Variants in ZNF703 observed in about 807,000 individuals in gnomAD.
ZNF703 encodes NocA-like zinc finger 1.
ZNF703 carries 18 observed loss-of-function variants against 30.7 expected under a neutral mutation model. The ratio of observed to expected loss-of-function variants is 0.59; its 90% CI spans 0.40 to 0.87. ZNF703 has a LOEUF of 0.87. Among genes scored for constraint, ZNF703 ranks in the 40% least tolerant of loss-of-function variants. ZNF703 has a pLI of 0.00. For synonymous variants in ZNF703, 457 were observed against 438.6 expected (o/e 1.04, Z -0.52); for missense variants, 814 against 847.8 (o/e 0.96, Z 0.50).
chr8:37,697,310 G>A lies in ZNF703; in HGVS notation c.409G>A (p.Ala137Thr). ...CTCAGCCCCGGGCGCCGCCTCCGCA[G>A]CCGCGGCCCTGAAGCAGCTGGGGGA... Reference protein sequence around the residue: ...GRSAPGAASAAAALKQLGDSP... With the variant: ...GRSAPGAASATAALKQLGDSP... Residue 137 changes from alanine to threonine, a missense_variant, in exon 2 of 2, where the codon GCC (alanine) becomes ACC (threonine). Coordinates refer to ENST00000331569, the MANE Select transcript of ZNF703 (RefSeq NM_025069.3). The A allele has an allele frequency of 2.6e-6, 4 of 1,563,732 alleles. No homozygotes were observed. The highest frequency in any genetic ancestry group is 2.4e-5 in the East Asian group (1 of 41,564).
In ZNF703 at chr8:37,698,760, C is replaced by T. The variant is rs545243995; in HGVS notation, c.*86C>T. 2.5e-5 allele frequency: 30 copies of T among 1,198,042 alleles called. 1 individual carries two copies. The Admixed American group carries it at 8.9e-4, about 35-fold the overall frequency. 74.2% of individuals were successfully genotyped at this position (1,198,042 alleles called of 1,614,324 possible). On this transcript the variant is annotated 3_prime_UTR_variant, in exon 2 of 2. Coordinates refer to ENST00000331569, the MANE Select transcript of ZNF703 (RefSeq NM_025069.3). ...CCACCTGCCGTCGCCGCTGCAACCT[C>T]CACTACTGCTTGACCCTGCCGGGAT... is the stretch of plus-strand genomic sequence containing the variant.
In ZNF703 at chr8:37,695,862, G is replaced by A; in HGVS notation, c.-118G>A. On this transcript the variant is annotated 5_prime_UTR_variant, in exon 1 of 2. Transcript: ENST00000331569. ...GGTGGAGGAGGGGAGGCGGCGAGGA[G>A]GCGCAGCTCCCGCTGCACCGCGATC... 2 of 980,682 alleles carry A rather than the reference G, an allele frequency of 2.0e-6. No individual in the cohort carries two copies. The highest frequency in any genetic ancestry group is 1.7e-5 in the African/African-American group (1 of 57,380). The allele number at this position is 980,682 out of a possible 1,614,324, so 60.7% of individuals were successfully genotyped here.
Position 37,697,043 on chromosome 8 carries a change from C to T in ZNF703, c.244-102C>T. The T allele has an allele frequency of 2.2e-6, 3 of 1,334,600 alleles. No homozygotes were observed. The South Asian group carries it at 5.5e-5, about 24-fold the overall frequency. 82.7% of individuals were successfully genotyped at this position (1,334,600 alleles called of 1,614,324 possible). ...CGCAGACCCTCTCCCCAGGCCCGCC[C>T]CGCCCCGTGGCGCCGCCGCCCAGCT... On this transcript the variant is annotated intron_variant, in intron 1 of 1. Coordinates refer to ENST00000331569, the MANE Select transcript of ZNF703 (RefSeq NM_025069.3).
At position 37,696,053 on chromosome 8, in the gene ZNF703, A is replaced by G; in HGVS notation, c.74A>G (p.Lys25Arg). ...SSGSGSGGGG[K>R]RPAVPAAVSL... The stretch of plus-strand genomic sequence containing the variant: ...GGCAGCGGCAGCGGCGGCGGCGGGA[A>G]GAGGCCGGCGGTGCCGGCAGCGGTG... The change falls in exon 1 of 2, where the codon AAG (lysine) becomes AGG (arginine). Residue 25 changes from lysine to arginine, a missense_variant. Coordinates refer to ENST00000331569, the MANE Select transcript of ZNF703 (RefSeq NM_025069.3). This position sits in a 1 kb window ranked among gnomAD's most constrained non-coding sequence, Gnocchi z 8.2. The G allele has an allele frequency of 6.4e-7, 1 of 1,554,142 alleles. No individual in the cohort carries two copies.
rs1802058214 is a variant in ZNF703, at chr8:37,695,892, C to A, written c.-88C>A. 7.9e-7 allele frequency: 1 copy of A among 1,264,498 alleles called. No individual in the cohort carries two copies. The highest frequency in any genetic ancestry group is 1.0e-6 in the Non-Finnish European group (1 of 961,138). 78.3% of individuals were successfully genotyped at this position (1,264,498 alleles called of 1,614,324 possible). ...AGCTCCCGCTGCACCGCGATCGACG[C>A]TGCGGAGCGAGCCCACCCGCCCCGG... On this transcript the variant is annotated 5_prime_UTR_variant, in exon 1 of 2. The change creates a new upstream start codon in the 5' untranslated region. Coordinates refer to ENST00000331569, the MANE Select transcript of ZNF703 (RefSeq NM_025069.3).
Position 37,695,827 on chromosome 8 carries a change from C to A in ZNF703, c.-153C>A. The A allele has an allele frequency of 4.7e-6, 3 of 631,956 alleles. No individual in the cohort carries two copies. Among genetic ancestry groups the A allele is most frequent in the East Asian group, 7.0e-5 (2 of 28,378 alleles). The allele number at this position is 631,956 out of a possible 1,614,324, so 39.1% of individuals were successfully genotyped here. On this transcript the variant is annotated 5_prime_UTR_variant, in exon 1 of 2. Coordinates refer to ENST00000331569, the MANE Select transcript of ZNF703 (RefSeq NM_025069.3). Reference sequence around the variant, plus strand: ...GGGCCAGCGGCGGTGGCGGCGGCGGCGGAGGCGTCGGTGGAGGAGGGGAGG... The same window carrying A: ...GGGCCAGCGGCGGTGGCGGCGGCGGAGGAGGCGTCGGTGGAGGAGGGGAGG...
In ZNF703 at chr8:37,695,804, GC is replaced by G; in HGVS notation, c.-174del. ...GAAGGTTTTTGTGTTGCTAGCCGGG[GC>G]CAGCGGCGGTGGCGGCGGCGGCGGA... On this transcript the variant is annotated 5_prime_UTR_variant, in exon 1 of 2. Coordinates refer to ENST00000331569, the MANE Select transcript of ZNF703 (RefSeq NM_025069.3). 1 of 532,994 alleles carries G rather than the reference GC, an allele frequency of 1.9e-6. No homozygotes were observed. Among genetic ancestry groups the G allele is most frequent in the Non-Finnish European group, 3.1e-6 (1 of 324,230 alleles). 33.0% of individuals were successfully genotyped at this position (532,994 alleles called of 1,614,324 possible). A position where few individuals can be genotyped will look rare whatever the true frequency, so the allele number is the denominator to read the frequency against.
At position 37,698,494 on chromosome 8, in the gene ZNF703, G is replaced by T. The variant is rs755631601; in HGVS notation, c.1593G>T (p.Ser531=). The part of the protein sequence containing the change: ...PPPAAPGSPG[S]LSLRNPHTLG... ...CCGCCGCCCCCGGCAGCCCCGGGTC[G>T]CTGTCCTTGCGGAATCCACACACTT... Residue 531 remains serine, a synonymous_variant, in exon 2 of 2, where the codon TCG becomes TCT. Coordinates refer to ENST00000331569, the MANE Select transcript of ZNF703 (RefSeq NM_025069.3). 8.4e-6 allele frequency: 13 copies of T among 1,550,120 alleles called. No homozygotes were observed. In the South Asian group the frequency reaches 1.4e-4, roughly 17 times the overall value.
Position 37,696,305 on chromosome 8 carries a change from G to A in ZNF703, c.243+83G>A. The A allele has an allele frequency of 6.8e-7, 1 of 1,469,578 alleles. No homozygotes were observed. Among genetic ancestry groups the A allele is most frequent in the African/African-American group, 1.5e-5 (1 of 68,770 alleles). The allele number at this position is 1,469,578 out of a possible 1,614,324, so 91.0% of individuals were successfully genotyped here. ...ACCCTGACCCAGCTCCCAGCGCCCC[G>A]GGGCTCGGTGCGACACCCAAGTCTG... On this transcript the variant is annotated intron_variant, in intron 1 of 1. Transcript: ENST00000331569. This position sits in a 1 kb window ranked among gnomAD's most constrained non-coding sequence, Gnocchi z 8.2.
chr8:37,697,026 C>G, intron 1 of ZNF703, 119 bp from the exon 2 acceptor site: 1 of 1,195,898 alleles, frequency 8.4e-7, no homozygotes, highest in Non-Finnish European at 1.1e-6. Flanking sequence ...CTCGCAGACC[C>G]TCTCCCCAGG....
chr8:37,697,279 C>A lies in ZNF703; in HGVS notation c.378C>A (p.Pro126=). 1 of 1,570,438 alleles carries A rather than the reference C, an allele frequency of 6.4e-7. No homozygotes were observed. The highest frequency in any genetic ancestry group is 2.4e-5 in the East Asian group (1 of 41,806). The change falls in exon 2 of 2, where the codon CCC becomes CCA. Residue 126 remains proline (P), a synonymous_variant. Coordinates refer to ENST00000331569, the MANE Select transcript of ZNF703 (RefSeq NM_025069.3). ...AANGLGAEKD[P]GRSAPGAASA... ...ACGGGCTGGGAGCGGAGAAGGACCC[C>A]GGCCGCTCAGCCCCGGGCGCCGCCT...
At position 37,696,923 on chromosome 8, in the gene ZNF703, G is replaced by A. The variant is rs1301289211; in HGVS notation, c.244-222G>A. Among the ~76,000 whole-genome samples the A allele has an allele frequency of 6.6e-6, 1 of 152,186 alleles. No individual in the cohort carries two copies. The highest frequency in any genetic ancestry group is 1.5e-5 in the Non-Finnish European group (1 of 68,022). Reference sequence around the variant, plus strand: ...TCACCTTCTCCCGCAGGGGTCCTGGGTGAACTCCTTCCGCAGGGCCTGCGG... The same window carrying A: ...TCACCTTCTCCCGCAGGGGTCCTGGATGAACTCCTTCCGCAGGGCCTGCGG... On this transcript the variant is annotated intron_variant, in intron 1 of 1. Transcript: ENST00000331569. The surrounding 1 kb of genome is among the most constrained non-coding windows in gnomAD (Gnocchi z 8.2).
chr8:37,697,085 T>C, intron 1 of ZNF703, 60 bp from the exon 2 acceptor site: 1 of 1,412,478 alleles, frequency 7.1e-7, no homozygotes, highest in Non-Finnish European at 9.2e-7. Flanking sequence ...GCGCCCCCGC[T>C]CGCCCCGCAG....
rs1802131792 is a variant in ZNF703, at chr8:37,699,414, C to T, written c.*740C>T. Reference sequence around the variant, plus strand: ...TGGACCCTGCCCCCCAAAAGTAGGGCCTTGCTCCTCTACCTTGCTCTGAGC... The same window carrying T: ...TGGACCCTGCCCCCCAAAAGTAGGGTCTTGCTCCTCTACCTTGCTCTGAGC... On this transcript the variant is annotated 3_prime_UTR_variant, in exon 2 of 2. Coordinates refer to ENST00000331569, the MANE Select transcript of ZNF703 (RefSeq NM_025069.3). 6.6e-6 allele frequency: 1 copy of T among 152,300 alleles called. No individual in the cohort carries two copies. Among genetic ancestry groups the T allele is most frequent in the Non-Finnish European group, 1.5e-5 (1 of 68,190 alleles). 9.4% of individuals were successfully genotyped at this position (152,300 alleles called of 1,614,324 possible). A position where few individuals can be genotyped will look rare whatever the true frequency, so the allele number is the denominator to read the frequency against.
rs954367357 is a variant in ZNF703, at chr8:37,696,636, G to A, written c.243+414G>A. Among the ~76,000 whole-genome samples the A allele has an allele frequency of 3.6e-4, 55 of 152,128 alleles. 1 individual carries two copies. The highest frequency in any genetic ancestry group is 1.3e-3 in the African/African-American group (52 of 41,488). The stretch of plus-strand genomic sequence containing the variant: ...TCTGTCCCATCCGGTGAGGGCGCAC[G>A]GCGCCCTGGCGCTCCCGATCCCGGA... On this transcript the variant is annotated intron_variant, in intron 1 of 1. Transcript: ENST00000331569. This position sits in a 1 kb window ranked among gnomAD's most constrained non-coding sequence, Gnocchi z 8.2.
chr8:37,697,850 G>T lies in ZNF703; in HGVS notation c.949G>T (p.Gly317Cys). The T allele has an allele frequency of 6.5e-7, 1 of 1,541,900 alleles. No homozygotes were observed. Among genetic ancestry groups the T allele is most frequent in the South Asian group, 1.2e-5 (1 of 84,380 alleles). The stretch of plus-strand genomic sequence containing the variant: ...GCCGCCCTCCAGCATTGGCTACCAC[G>T]GCTCCATCGTGGGCGCCTACGCCGG... ...PLPPSSIGYH[G>C]SIVGAYAGYP... The change falls in exon 2 of 2, where the codon GGC becomes TGC. Residue 317 changes from glycine to cysteine, a missense_variant. Transcript: ENST00000331569.
Position 37,698,303 on chromosome 8 carries a change from G to C in ZNF703, c.1402G>C (p.Asp468His). 1 of 1,540,010 alleles carries C rather than the reference G, an allele frequency of 6.5e-7. No individual in the cohort carries two copies. The change falls in exon 2 of 2, where the codon GAC (aspartate) becomes CAC (histidine). Residue 468 changes from aspartate to histidine, a missense_variant. Transcript: ENST00000331569. ...CTGGGTGGCAGCCAGTGGGCCGTGC[G>C]ACAAGCGCTTCGCCACCTCGGAGGA... is the stretch of plus-strand genomic sequence containing the variant. Reference protein sequence around the residue: ...CNWVAASGPCDKRFATSEELL... With the variant: ...CNWVAASGPCHKRFATSEELL...
In ZNF703 at chr8:37,697,659, C is replaced by G. The variant is rs534388849; in HGVS notation, c.758C>G (p.Pro253Arg). 1 of 1,347,394 alleles carries G rather than the reference C, an allele frequency of 7.4e-7. No individual in the cohort carries two copies. The highest frequency in any genetic ancestry group is 4.1e-5 in the Admixed American group (1 of 24,562). 83.5% of individuals were successfully genotyped at this position (1,347,394 alleles called of 1,614,324 possible). The change falls in exon 2 of 2, where the codon CCG becomes CGG. Residue 253 changes from proline (P) to arginine (R), a missense_variant. Physicochemically the swap from Pro to Arg is moderately radical, Grantham distance 103 (BLOSUM62 -2). Coordinates refer to ENST00000331569, the MANE Select transcript of ZNF703 (RefSeq NM_025069.3). ...DKKDQEPKPS[P>R]EPAAVSRGGG... ...AAAGACCAGGAGCCCAAGCCCAGCC[C>G]GGAGCCGGCAGCCGTGAGCCGCGGC...
At chr8:37,697,099 T>C (rs1802080591) in intron 1 of ZNF703, 46 bp from the exon 2 acceptor site, 2 of 1,465,556 alleles carry the variant, frequency 1.4e-6, no homozygotes. Context: ...CCCGCAGGCC[T>C]CTGAGTCTCA....
Sources: allele counts gnomAD v4.1 joint callset (sites outside exome capture counted in the v4.1 genomes callset), GRCh38; gene constraint gnomAD v4.1.1; non-coding constraint Gnocchi (gnomAD v3.1); transcripts MANE v1.5; gene names NCBI Gene and HGNC (gene_info 2026-07-23, HGNC 2026-07-21).